The following LARP4B variants were observed in gnomAD, a reference collection of about 807,000 sequenced individuals.
LARP4B encodes la-related protein 4B.
LARP4B carries 12 observed loss-of-function variants against 89.8 expected under a neutral mutation model. The observed-to-expected ratio is 0.13, with a 90% CI of 0.09 to 0.22. The LOEUF (loss-of-function observed/expected upper bound fraction) is 0.22, where lower values mean the gene tolerates loss of function less well. Among genes scored for constraint, LARP4B ranks in the 10% least tolerant of loss-of-function variants. The pLI is 1.00. For missense variants in LARP4B, 757 were observed against 947.7 expected, an observed-to-expected ratio of 0.80 and a Z score of 2.64; for synonymous variants, 367 against 363.3, an observed-to-expected ratio of 1.01 and a Z score of -0.12.
At chr10:820,659 ATTAC>A in intron 14 of LARP4B, 137 bp downstream of exon 14, 1 of 749,694 alleles carries the variant, frequency 1.3e-6, no homozygotes, top group African/African-American at 1.8e-5. Flanking sequence ...GGTGTCAGTT[ATTAC>A]TTAGTGGATT....
At chr10:872,659 A>G (rs1422330594) in intron 3 of LARP4B, among the ~76,000 whole-genome samples, 2 of 152,188 alleles carry the variant, frequency 1.3e-5, no homozygotes, top group Admixed American at 6.5e-5. Context: ...AACAGTGCAG[A>G]TGGCCACTCA....
downstream of LARP4B, chr10:807,829 T>C (rs1831609995): frequency 6.6e-6 from 1 of 152,392 alleles, no homozygotes; most frequent in South Asian, 2.1e-4. Context: ...GTGCCCTTCC[T>C]TCCTGGCCTA....
At chr10:821,069 T>TA in intron 13 of LARP4B, 1 of 561,194 alleles carries the variant, frequency 1.8e-6, no homozygotes, top group South Asian at 2.1e-5. Context: ...AGGCAAGTGA[T>TA]AAAGAACAGA....
the LARP4B span, among the ~76,000 whole-genome samples, chr10:951,634 T>C: frequency 4.6e-5 from 7 of 152,096 alleles, no homozygotes; most frequent in Non-Finnish European, 8.8e-5. Flanking sequence ...AAGTGGTGAC[T>C]TCAGGGACAT....
At chr10:817,923 G>A (rs1832149237) in intron 14 of LARP4B, 34 bp from the exon 15 acceptor site, 1 of 1,588,994 alleles carries the variant, frequency 6.3e-7, no homozygotes, top group Non-Finnish European at 8.6e-7. Context: ...GTCACGGTAT[G>A]GAGAGAGAAG....
the LARP4B span, among the ~76,000 whole-genome samples, chr10:948,775 T>A: frequency 3.9e-5 from 6 of 152,234 alleles, no homozygotes; most frequent in Admixed American, 3.9e-4. Flanking sequence ...TGGTCTGGAC[T>A]CCCTTCACCA....
At chr10:893,878 C>T (rs1025065916) in intron 1 of LARP4B, among the ~76,000 whole-genome samples, 3 of 152,130 alleles carry the variant, frequency 2.0e-5, no homozygotes, top group Admixed American at 6.5e-5. Flanking sequence ...CCACAGTGCT[C>T]GCCTTGGGAC....
chr10:969,738 T>G, the LARP4B span, among the ~76,000 whole-genome samples: 26 of 151,658 alleles, frequency 1.7e-4, no homozygotes, highest in South Asian at 2.3e-3. Flanking sequence ...CAAAAAAAAA[T>G]AAAAGAAAAT....
chr10:895,303 C>A (rs988133142), intron 1 of LARP4B, among the ~76,000 whole-genome samples: 49 of 152,038 alleles, frequency 3.2e-4, no homozygotes, highest in African/African-American at 1.0e-3. Flanking sequence ...CTTAAGACTT[C>A]ATATGCTTAT....
At chr10:983,659 G>C in the LARP4B span, among the ~76,000 whole-genome samples, 1 of 152,130 alleles carries the variant, frequency 6.6e-6, no homozygotes, top group East Asian at 1.9e-4. Flanking sequence ...GAGAGCTCCA[G>C]CCTCGTGACC....
At chr10:813,299 G>C in intron 17 of LARP4B, 86 bp from the exon 18 acceptor site, 2 of 1,310,962 alleles carry the variant, frequency 1.5e-6, no homozygotes, top group Non-Finnish European at 2.1e-6. Flanking sequence ...AGATAAAAGA[G>C]TTTTCAACTG....
chr10:979,939 C>A, the LARP4B span, among the ~76,000 whole-genome samples: 1 of 152,166 alleles, frequency 6.6e-6, no homozygotes. Flanking sequence ...CCACTGTACT[C>A]CAGCCTGGGT....
chr10:833,869 CAG>C (rs1833060098), intron 8 of LARP4B, among the ~76,000 whole-genome samples: 1 of 129,446 alleles, frequency 7.7e-6, no homozygotes, highest in African/African-American at 3.0e-5. Flanking sequence ...AGCCTGGCAA[CAG>C]AGCAAGATGC....
At chr10:969,605 C>A in the LARP4B span, among the ~76,000 whole-genome samples, 24 of 152,128 alleles carry the variant, frequency 1.6e-4, no homozygotes, top group African/African-American at 4.8e-4. Context: ...TGGCACACGC[C>A]TGTAGTCCCA....
At position 814,797 on chromosome 10, in the gene LARP4B, G is replaced by T; in HGVS notation, c.1874C>A (p.Pro625His). 1 of 1,605,866 alleles carries T rather than the reference G, an allele frequency of 6.2e-7. No individual in the cohort carries two copies. Residue 625 changes from proline to histidine, a missense_variant, in exon 17 of 18, where the codon CCT becomes CAT. By Grantham distance (77) the Pro-to-His change is moderately conservative. This residue lies in a region of LARP4B where 387 missense variants were observed against 423.6 expected (regional missense o/e 0.91). Transcript: ENST00000316157. The surrounding 1 kb of genome is among the most constrained non-coding windows in gnomAD (Gnocchi z 4.4). Reference protein sequence around the residue: ...QRETHSVDRLPSALTATACKS... With the variant: ...QRETHSVDRLHSALTATACKS... ...ACACGCGGTCGCAGTGAGGGCGGAA[G>T]GAAGTCTGTCCACACTGTGGGTTTC... is the stretch of plus-strand genomic sequence containing the variant.
At chr10:922,715 A>C (rs531343478) in intron 1 of LARP4B, among the ~76,000 whole-genome samples, 11 of 144,628 alleles carry the variant, frequency 7.6e-5, no homozygotes, top group Middle Eastern at 3.2e-3. Flanking sequence ...AAATAAATAA[A>C]TAACAAGTAT....
chr10:844,900 A>C, intron 6 of LARP4B, 77 bp downstream of exon 6: 1 of 1,053,688 alleles, frequency 9.5e-7, no homozygotes, highest in Non-Finnish European at 1.4e-6. Flanking sequence ...TTCATAAAAT[A>C]TCACATTTGT....
At position 814,656 on chromosome 10, in the gene LARP4B, A is replaced by G. The variant is rs1378085622; in HGVS notation, c.1929+86T>C. 6.4e-7 allele frequency: 1 copy of G among 1,551,558 alleles called. No individual in the cohort carries two copies. Among genetic ancestry groups the G allele is most frequent in the South Asian group, 1.2e-5 (1 of 83,682 alleles). ...ACCCACCAAATTAGATGTGATTAAA[A>G]AACGAGCAGGTGCAGGAGTGCGCAG... On this transcript the variant is annotated intron_variant, in intron 17 of 17. Transcript: ENST00000316157. This position sits in a 1 kb window ranked among gnomAD's most constrained non-coding sequence, Gnocchi z 4.4.
At chr10:961,599 C>T in the LARP4B span, among the ~76,000 whole-genome samples, 1 of 137,504 alleles carries the variant, frequency 7.3e-6, no homozygotes, top group Non-Finnish European at 1.5e-5. Context: ...AAGGTCCACT[C>T]ATGGCGGCGT....
Sources: gnomAD v4.1 joint callset for allele counts (sites outside exome capture counted in the v4.1 genomes callset) on GRCh38, gnomAD v4.1.1 for gene constraint, gnomAD v4.1.1 regional missense constraint, Gnocchi (gnomAD v3.1) non-coding constraint, MANE v1.5 for transcripts, NCBI Gene and HGNC (gene_info 2026-07-23, HGNC 2026-07-21) for gene names.